The following CCDC125 variants were observed in gnomAD, a reference collection of about 807,000 sequenced individuals.
CCDC125 encodes the protein coiled-coil domain-containing protein 125.
Under a neutral mutation model 57.4 loss-of-function variants are expected in CCDC125, and 43 were observed. The ratio of observed to expected loss-of-function variants is 0.75; its 90% confidence interval spans 0.59 to 0.97. The LOEUF (loss-of-function observed/expected upper bound fraction) is 0.97, where lower values mean the gene tolerates loss of function less well. Among genes scored for constraint, CCDC125 ranks in the 50% least tolerant of loss-of-function variants. The pLI, the probability that CCDC125 is intolerant of heterozygous loss-of-function variation, is 0.00. For missense variants in CCDC125, 563 were observed against 595.7 expected, an observed-to-expected ratio of 0.95 and a Z score of 0.57; for synonymous variants, 187 against 195.2, an observed-to-expected ratio of 0.96 and a Z score of 0.35.
Position 69,314,023 on chromosome 5 carries a change from T to G in CCDC125, c.328A>C (p.Asn110His), listed in dbSNP as rs1211530629. 1 of 1,609,746 alleles carries G rather than the reference T, an allele frequency of 6.2e-7. No individual in the cohort carries two copies. The highest frequency in any genetic ancestry group is 8.5e-7 in the Non-Finnish European group (1 of 1,176,154). ...TTAAGACATTGCCTTAATTCTTCAT[T>G]TGACAATTCTGAATTCGAATCTACT... is the stretch of plus-strand genomic sequence containing the variant. ...STVDSNSELS[N>H]EELRQCLNET... The change falls in exon 3 of 12, where the codon AAT (asparagine) becomes CAT (histidine). Residue 110 changes from asparagine (N) to histidine (H), a missense_variant. Transcript: ENST00000396496.
intron 6 of CCDC125, 136 bp from the exon 7 acceptor site, chr5:69,304,065 T>C (rs1756937491): frequency 3.6e-6 from 2 of 551,460 alleles, no homozygotes; most frequent in Admixed American, 3.7e-5. Context: ...AATTTACACG[T>C]ATCACAAAAA....
chr5:69,320,326 G>A lies in CCDC125; in HGVS notation c.215C>T (p.Ala72Val), dbSNP rs760868721. The stretch of plus-strand genomic sequence containing the variant: ...CTTATGCTTGGAATACTGAAAACTC[G>A]CTTCATTTCTTTCTTCTCCCTTTCT... ...FPRKGEERNE[A>V]SFQYSKHKSQ... Residue 72 changes from alanine to valine, a missense_variant, in exon 2 of 12, where the codon GCG becomes GTG. Coordinates refer to ENST00000396496, the MANE Select transcript of CCDC125 (RefSeq NM_176816.5). The A allele has an allele frequency of 5.0e-6, 8 of 1,613,774 alleles. No individual in the cohort carries two copies. The highest frequency in any genetic ancestry group is 6.8e-6 in the Non-Finnish European group (8 of 1,179,930).
chr5:69,281,829 ATT>A lies in CCDC125; in HGVS notation c.*898_*899del, dbSNP rs1161795062. 1 of 151,702 alleles carries A rather than the reference ATT, an allele frequency of 6.6e-6. No individual in the cohort carries two copies. The highest frequency in any genetic ancestry group is 1.5e-5 in the Non-Finnish European group (1 of 67,944). 9.4% of individuals were successfully genotyped at this position (151,702 alleles called of 1,614,324 possible). On this transcript the variant is annotated 3_prime_UTR_variant, in exon 12 of 12. Coordinates refer to ENST00000396496, the MANE Select transcript of CCDC125 (RefSeq NM_176816.5). ...TATAGTCAATCAAAATAGTTAAATA[ATT>A]TTTTGTTTTTCCCAAAAATCATTAT... is the stretch of plus-strand genomic sequence containing the variant.
At chr5:69,293,092 C>T (rs62373181) in intron 9 of CCDC125, among the ~76,000 whole-genome samples, 43,542 of 151,300 alleles carry the variant, frequency 0.29, 7,670 homozygotes, top group Non-Finnish European at 0.4. Flanking sequence ...CCACCCGCCT[C>T]GGCCTCCCAA....
chr5:69,315,262 A>AT (rs1407978501), intron 2 of CCDC125, among the ~76,000 whole-genome samples: 2 of 111,756 alleles, frequency 1.8e-5, no homozygotes, highest in Admixed American at 9.5e-5. Flanking sequence ...TCTCGAAAAA[A>AT]TAAAAAAAAT....
intron 10 of CCDC125, among the ~76,000 whole-genome samples, chr5:69,286,232 A>G (rs1753403276): frequency 1.5e-5 from 1 of 67,588 alleles, no homozygotes. Context: ...ATATATATAT[A>G]TAATTTTTTT....
chr5:69,283,114 TTTATC>T, intron 11 of CCDC125, 80 bp from the exon 12 acceptor site: 2 of 1,171,722 alleles, frequency 1.7e-6, no homozygotes, highest in South Asian at 3.2e-5. Context: ...ATTGTACTAT[TTTATC>T]AAGTTATTCA....
In CCDC125 at chr5:69,281,951, C is replaced by T. The variant is rs1752520264; in HGVS notation, c.*778G>A. On this transcript the variant is annotated 3_prime_UTR_variant, in exon 12 of 12. Transcript: ENST00000396496. ...TGTCGCCCAGGCTGGAGTGCAATGA[C>T]ACAGTCTCGGCTTACCACAACCCCC... The T allele has an allele frequency of 6.7e-6, 1 of 149,948 alleles. No individual in the cohort carries two copies. Among genetic ancestry groups the T allele is most frequent in the Non-Finnish European group, 1.5e-5 (1 of 67,816 alleles). 9.3% of individuals were successfully genotyped at this position (149,948 alleles called of 1,614,324 possible).
At chr5:69,319,744 G>A (rs1275722030) in intron 2 of CCDC125, among the ~76,000 whole-genome samples, 1 of 151,676 alleles carries the variant, frequency 6.6e-6, no homozygotes, top group African/African-American at 2.4e-5. Context: ...GCCTCCCAAA[G>A]TGCTGGGATT....
chr5:69,311,239 C>T (rs779962479), intron 3 of CCDC125, 35 bp from the exon 4 acceptor site: 1 of 1,251,098 alleles, frequency 8.0e-7, no homozygotes, highest in Non-Finnish European at 1.2e-6. Flanking sequence ...TTCCTATCTG[C>T]AAGATATGCA....
chr5:69,319,696 T>A (rs895645632), intron 2 of CCDC125, among the ~76,000 whole-genome samples: 1 of 151,448 alleles, frequency 6.6e-6, no homozygotes. Context: ...TTGGCCAGGA[T>A]GGTCTCGATC....
the CCDC125 span, chr5:69,273,094 T>A: frequency 8.4e-7 from 1 of 1,185,486 alleles, no homozygotes; most frequent in Non-Finnish European, 1.2e-6. Flanking sequence ...ATCTTAACTG[T>A]AGCATTGATA....
chr5:69,316,358 G>A (rs983147912), intron 2 of CCDC125, among the ~76,000 whole-genome samples: 5 of 152,198 alleles, frequency 3.3e-5, no homozygotes, highest in African/African-American at 1.2e-4. Flanking sequence ...ATACATGAAA[G>A]AGGGAGACGA....
Position 69,283,322 on chromosome 5 carries a change from C to A in CCDC125, c.1231-288G>T, listed in dbSNP as rs183082342. Among the ~76,000 whole-genome samples the A allele has an allele frequency of 1.1e-3, 160 of 149,796 alleles. 1 individual carries two copies. Among genetic ancestry groups the A allele is most frequent in the African/African-American group, 3.8e-3 (155 of 40,718 alleles). On this transcript the variant is annotated intron_variant, in intron 11 of 11. Coordinates refer to ENST00000396496, the MANE Select transcript of CCDC125 (RefSeq NM_176816.5). ...GCAAGCTCTGCCTCCCAGGTTCACA[C>A]TATTCTCCTGCCTCAGCCTCCCAAG...
At chr5:69,277,062 T>TA (rs1451170830), downstream of CCDC125, 1 of 1,537,024 alleles carries the variant, frequency 6.5e-7, no homozygotes, top group East Asian at 2.3e-5. Context: ...TGAACTTTGT[T>TA]AAATGTGAAC....
At chr5:69,294,752 G>T in intron 9 of CCDC125, 41 bp downstream of exon 9, 1 of 1,417,944 alleles carries the variant, frequency 7.1e-7, no homozygotes, top group Non-Finnish European at 9.9e-7. Flanking sequence ...TATTAACAGA[G>T]AAACAAAACT....
chr5:69,319,772 C>T (rs1431138119), intron 2 of CCDC125, among the ~76,000 whole-genome samples: 4 of 151,986 alleles, frequency 2.6e-5, no homozygotes, highest in East Asian at 2.0e-4. Context: ...TGAGCCACCA[C>T]GCCCGGCTAT....
rs1428136889 is a variant in CCDC125 at position 69,300,042 on chromosome 5, T to G, written c.786A>C (p.Lys262Asn). 9.3e-6 allele frequency: 15 copies of G among 1,614,096 alleles called. No homozygotes were observed. In the Admixed American group the frequency reaches 2.5e-4, roughly 27 times the overall value. ...GACCTGAAGCCTCTGCAAAGCCACT[T>G]TTATCACAGCACATGTTTTCCTGAG... ...KMAQENMCCD[K>N]SGFAEASGLE... The change falls in exon 8 of 12, where the codon AAA becomes AAC. Residue 262 changes from lysine (K) to asparagine (N), a missense_variant. Transcript: ENST00000396496.
Position 69,285,355 on chromosome 5 carries a change from A to G in CCDC125, c.1212T>C (p.Leu404=). The G allele has an allele frequency of 6.2e-7, 1 of 1,610,490 alleles. No individual in the cohort carries two copies. Among genetic ancestry groups the G allele is most frequent in the Non-Finnish European group, 8.5e-7 (1 of 1,179,094 alleles). The part of the protein sequence containing the change: ...MEDQDSPQEV[L]KMLIDLLNDK... The stretch of plus-strand genomic sequence containing the variant: ...CACTAACCAAATCTATGAGCATCTT[A>G]AGGACCTCTTGAGGACTGTCCTGGT... Residue 404 remains leucine, a synonymous_variant, in exon 11 of 12, where the codon CTT becomes CTC. Coordinates refer to ENST00000396496, the MANE Select transcript of CCDC125 (RefSeq NM_176816.5).
Sources: gnomAD v4.1 joint callset for allele counts (sites outside exome capture counted in the v4.1 genomes callset) on GRCh38, gnomAD v4.1.1 for gene constraint, MANE v1.5 for transcripts, NCBI Gene and HGNC (gene_info 2026-07-23, HGNC 2026-07-21) for gene names.